The following SLC5A4 variants were observed in gnomAD, a reference collection of about 807,000 sequenced individuals.
SLC5A4 encodes probable glucose sensor protein SLC5A4.
In SLC5A4, 55 loss-of-function variants were observed where a neutral mutation model predicts 70.3. The ratio of observed to expected loss-of-function variants is 0.78; its 90% confidence interval spans 0.63 to 0.98. The LOEUF is 0.98. Among genes scored for constraint, SLC5A4 ranks in the 50% least tolerant of loss-of-function variants. The pLI is 0.00. For synonymous variants in SLC5A4, 268 were observed against 305.7 expected (o/e 0.88, Z 1.29); for missense variants, 735 against 839.2 (o/e 0.88, Z 1.53).
the SLC5A4 span, among the ~76,000 whole-genome samples, chr22:32,348,058 C>T: frequency 0.58 from 88,228 of 151,954 alleles, 27,660 homozygotes; most frequent in African/African-American, 0.85. Context: ...ACAGCATTGA[C>T]GGCTGGGTTG....
At chr22:32,321,620 C>T in the SLC5A4 span, among the ~76,000 whole-genome samples, 5 of 152,220 alleles carry the variant, frequency 3.3e-5, no homozygotes, top group African/African-American at 9.6e-5. Flanking sequence ...CCTCCTCCCA[C>T]CTTCCGCCCT....
the SLC5A4 span, among the ~76,000 whole-genome samples, chr22:32,329,228 A>C: frequency 6.6e-6 from 1 of 152,224 alleles, no homozygotes; most frequent in South Asian, 2.1e-4. Flanking sequence ...AGAGGACCCC[A>C]GGATGCACCA....
chr22:32,264,886 AG>A, the SLC5A4 span, among the ~76,000 whole-genome samples: 1 of 152,222 alleles, frequency 6.6e-6, no homozygotes, highest in African/African-American at 2.4e-5. Context: ...GTCTGTTGAA[AG>A]AATATACCTC....
chr22:32,271,142 C>T, the SLC5A4 span: 1 of 661,422 alleles, frequency 1.5e-6, no homozygotes, highest in African/African-American at 1.8e-5. Flanking sequence ...CAGACAGAGC[C>T]CATCCACTGG....
the SLC5A4 span, among the ~76,000 whole-genome samples, chr22:32,294,938 G>C: frequency 1.0e-5 from 1 of 97,858 alleles, no homozygotes; most frequent in South Asian, 3.5e-4. Flanking sequence ...TCTTGCGATA[G>C]TTTACTGAGA....
chr22:32,346,381 G>A, the SLC5A4 span, among the ~76,000 whole-genome samples: 1 of 152,042 alleles, frequency 6.6e-6, no homozygotes, highest in Non-Finnish European at 1.5e-5. Context: ...AACCAAAAAA[G>A]AGCCCACATC....
chr22:32,289,365 G>A, the SLC5A4 span, among the ~76,000 whole-genome samples: 1 of 152,182 alleles, frequency 6.6e-6, no homozygotes, highest in African/African-American at 2.4e-5. Context: ...AGGTGTCAAG[G>A]GTGGGACCAG....
At chr22:32,264,580 C>T in the SLC5A4 span, among the ~76,000 whole-genome samples, 2 of 152,010 alleles carry the variant, frequency 1.3e-5, no homozygotes, top group African/African-American at 2.4e-5. Context: ...CAAAACAAAA[C>T]AAAACGAAAC....
At chr22:32,313,847 A>G in the SLC5A4 span, among the ~76,000 whole-genome samples, 1 of 152,188 alleles carries the variant, frequency 6.6e-6, no homozygotes, top group Non-Finnish European at 1.5e-5. Flanking sequence ...TCTTGCATGC[A>G]TGAGAATGAA....
At chr22:32,267,797 T>C in the SLC5A4 span, among the ~76,000 whole-genome samples, 1 of 152,240 alleles carries the variant, frequency 6.6e-6, no homozygotes, top group African/African-American at 2.4e-5. Context: ...CAGCCCAGTA[T>C]AGACACTTTT....
the SLC5A4 span, among the ~76,000 whole-genome samples, chr22:32,331,503 G>A: frequency 2.0e-5 from 3 of 152,098 alleles, no homozygotes; most frequent in Admixed American, 6.5e-5. Context: ...ATAGGGCGCC[G>A]CATAATCTAA....
chr22:32,233,998 A>G (rs868797568), intron 8 of SLC5A4, among the ~76,000 whole-genome samples: 1 of 151,986 alleles, frequency 6.6e-6, no homozygotes, highest in Non-Finnish European at 1.5e-5. Flanking sequence ...TATTGGGAGG[A>G]TGGGGGAACA....
the SLC5A4 span, chr22:32,276,606 T>C: frequency 6.6e-6 from 1 of 152,130 alleles, no homozygotes; most frequent in Non-Finnish European, 1.5e-5. Flanking sequence ...AGGATTACTA[T>C]TGCCATATTT....
At chr22:32,350,236 G>A in the SLC5A4 span, among the ~76,000 whole-genome samples, 3 of 152,328 alleles carry the variant, frequency 2.0e-5, no homozygotes, top group Non-Finnish European at 2.9e-5. Flanking sequence ...AGTCAACTGA[G>A]AAGAAAAACT....
the SLC5A4 span, among the ~76,000 whole-genome samples, chr22:32,339,256 G>A: frequency 0.22 from 33,032 of 152,064 alleles, 4,092 homozygotes; most frequent in East Asian, 0.48. Context: ...TTCAAATAAT[G>A]GTCGCAACAA....
chr22:32,310,097 A>C, the SLC5A4 span, among the ~76,000 whole-genome samples: 60 of 151,318 alleles, frequency 4.0e-4, no homozygotes, highest in African/African-American at 1.3e-3. Context: ...GGGTGGCAGA[A>C]GGAATGTCCT....
chr22:32,311,348 A>G, the SLC5A4 span, among the ~76,000 whole-genome samples: 2 of 147,390 alleles, frequency 1.4e-5, no homozygotes, highest in African/African-American at 5.4e-5. Flanking sequence ...GAGGACACAC[A>G]TGTTTATTAA....
In SLC5A4 at chr22:32,220,947, C is replaced by T. The variant is rs1383328985; in HGVS notation, c.1741G>A (p.Glu581Lys). ...IDIDAEEKSQ[E>K]ETDDGVEEDY... is the part of the protein sequence containing the mutation. ...TCTTCAACACCATCATCTGTTTCTT[C>T]CTGACTTTTCTCTTCTGCATCTATA... The change falls in exon 14 of 15, where the codon GAA becomes AAA. Residue 581 changes from glutamate (E) to lysine (K), a missense_variant. Glu to Lys is a moderately conservative substitution (Grantham distance 56). Transcript: ENST00000266086. 1.9e-6 allele frequency: 3 copies of T among 1,613,436 alleles called. No individual in the cohort carries two copies. The Admixed American group carries it at 5.0e-5, about 27-fold the overall frequency.
At chr22:32,231,870 C>T (rs1055752383) in intron 9 of SLC5A4, among the ~76,000 whole-genome samples, 4 of 151,960 alleles carry the variant, frequency 2.6e-5, no homozygotes, top group African/African-American at 9.7e-5. Context: ...GGCCATTCCC[C>T]ACTAGTTAGA....
Sources: gnomAD v4.1 joint callset for allele counts (sites outside exome capture counted in the v4.1 genomes callset) on GRCh38, gnomAD v4.1.1 for gene constraint, MANE v1.5 for transcripts, NCBI Gene and HGNC (gene_info 2026-07-23, HGNC 2026-07-21) for gene names.